Variants in NKAIN1 observed in about 807,000 individuals in gnomAD.
The protein encoded by NKAIN1 is sodium/potassium transporting ATPase interacting 1, also known as sodium/potassium-transporting ATPase subunit beta-1-interacting protein 1.
Under a neutral mutation model 31.6 loss-of-function variants are expected in NKAIN1, and 13 were observed. That is an observed-to-expected ratio of 0.41 (90% CI 0.27 to 0.65). The LOEUF is 0.65. Ranked by LOEUF, NKAIN1 falls within the 30% of genes least tolerant of loss-of-function variation. The probability of loss-of-function intolerance (pLI) is 0.30; values close to 1 mark genes in which losing one functional copy is unlikely to be tolerated. For missense variants in NKAIN1, 193 were observed against 262.2 expected, an observed-to-expected ratio of 0.74 and a Z score of 1.82; for synonymous variants, 104 against 109.0, an observed-to-expected ratio of 0.95 and a Z score of 0.28.
Position 31,181,569 on chromosome 1 carries a change from A to C in NKAIN1, c.*134T>G, listed in dbSNP as rs368991226. ...TCCACGTCCAAGTCCGCATCTCCAGATGCAGACGCGGGGTTGGGCACAGGC... is the reference window on the plus strand; with the variant it reads ...TCCACGTCCAAGTCCGCATCTCCAGCTGCAGACGCGGGGTTGGGCACAGGC... On this transcript the variant is annotated 3_prime_UTR_variant, in exon 7 of 7. Transcript: ENST00000373736. 247 of 770,866 alleles carry C rather than the reference A, an allele frequency of 3.2e-4. 1 individual carries two copies. The highest frequency in any genetic ancestry group is 2.9e-3 in the African/African-American group (160 of 54,754). 47.8% of individuals were successfully genotyped at this position (770,866 alleles called of 1,614,324 possible). A position where few individuals can be genotyped will look rare whatever the true frequency, so the allele number is the denominator to read the frequency against.
chr1:31,199,364 C>T (rs979298049), intron 1 of NKAIN1, among the ~76,000 whole-genome samples: 2 of 152,210 alleles, frequency 1.3e-5, no homozygotes, highest in Non-Finnish European at 2.9e-5. Context: ...GGATGTCTGG[C>T]ACGCAGTTGG....
At chr1:31,234,133 TTCATTCACAAAAGGGAGTTGA>T (rs1490229370) in intron 1 of NKAIN1, among the ~76,000 whole-genome samples, 1 of 152,220 alleles carries the variant, frequency 6.6e-6, no homozygotes, top group Non-Finnish European at 1.5e-5. Flanking sequence ...CTTCAGTCTG[TTCATTCACAAAAGGGAGTTGA>T]TCATCCCTGC....
intron 1 of NKAIN1, among the ~76,000 whole-genome samples, chr1:31,213,935 A>G (rs1319258093): frequency 6.6e-6 from 1 of 151,992 alleles, no homozygotes; most frequent in Non-Finnish European, 1.5e-5. Context: ...TTGAGGCTGC[A>G]GTAAGCTGTG....
Position 31,216,875 on chromosome 1 carries a change from T to C in NKAIN1, c.54+22619A>G, listed in dbSNP as rs370194191. Among the ~76,000 whole-genome samples, 3 of 150,996 alleles carry C rather than the reference T, an allele frequency of 2.0e-5. No homozygotes were observed. In the East Asian group the frequency reaches 5.9e-4, roughly 30 times the overall value. ...CGCCTAGCTAATTTTTGTATTTTTGTGTGTGTGTGAGATGGAGGCTGTCTG... is the reference window on the plus strand; with the variant it reads ...CGCCTAGCTAATTTTTGTATTTTTGCGTGTGTGTGAGATGGAGGCTGTCTG... On this transcript the variant is annotated intron_variant, in intron 1 of 6. Transcript: ENST00000373736.
In NKAIN1 at chr1:31,208,347, C is replaced by CG. The variant is rs939251749; in HGVS notation, c.55-20161_55-20160insC. On this transcript the variant is annotated intron_variant, in intron 1 of 6. Coordinates refer to ENST00000373736, the MANE Select transcript of NKAIN1 (RefSeq NM_024522.3). ...CTGAGTCCAATTCTTTCTTCCACCC[C>CG]CCGCTTATGGAAACTTGTGTTCTGT... 3.3e-5 allele frequency among the ~76,000 whole-genome samples: 5 copies of CG among 152,102 alleles called. No homozygotes were observed. In the South Asian group the frequency reaches 6.2e-4, roughly 19 times the overall value.
chr1:31,213,729 T>TCAC (rs1409191040), intron 1 of NKAIN1, among the ~76,000 whole-genome samples: 2 of 152,180 alleles, frequency 1.3e-5, no homozygotes, highest in African/African-American at 4.8e-5. Flanking sequence ...GTGCAGTGGC[T>TCAC]CACACCTGTA....
Position 31,239,643 on chromosome 1 carries a change from G to T in NKAIN1, c.-96C>A. The T allele has an allele frequency of 1.7e-6, 1 of 604,980 alleles. No individual in the cohort carries two copies. Among genetic ancestry groups the T allele is most frequent in the Non-Finnish European group, 2.1e-6 (1 of 481,902 alleles). The allele number at this position is 604,980 out of a possible 1,614,324, so 37.5% of individuals were successfully genotyped here. A position where few individuals can be genotyped will look rare whatever the true frequency, so the allele number is the denominator to read the frequency against. On this transcript the variant is annotated 5_prime_UTR_variant, in exon 1 of 7. Transcript: ENST00000373736. The surrounding 1 kb of genome is among the most constrained non-coding windows in gnomAD (Gnocchi z 4.8). ...GCGCGGGCTCCACGTCCTCCCCGCT[G>T]GGCGCGCCGGGCGGCGGGGCCGGGC...
intron 1 of NKAIN1, among the ~76,000 whole-genome samples, chr1:31,196,357 C>CA (rs1430947314): frequency 4.6e-5 from 7 of 151,476 alleles, no homozygotes; most frequent in Non-Finnish European, 1.0e-4. Context: ...ACTAAAAATA[C>CA]AAAAAATTAG....
rs1177191508 is a variant in NKAIN1 at position 31,180,184 on chromosome 1, A to G, written c.*1519T>C. 1 of 152,276 alleles carries G rather than the reference A, an allele frequency of 6.6e-6. No individual in the cohort carries two copies. The highest frequency in any genetic ancestry group is 1.5e-5 in the Non-Finnish European group (1 of 68,110). 9.4% of individuals were successfully genotyped at this position (152,276 alleles called of 1,614,324 possible). On this transcript the variant is annotated 3_prime_UTR_variant, in exon 7 of 7. Coordinates refer to ENST00000373736, the MANE Select transcript of NKAIN1 (RefSeq NM_024522.3). ...GTAGTGGGAGAGGAGCGGAATGGTC[A>G]CCACAGACAGGCTCAGGTGTGCAAA...
chr1:31,215,386 G>A (rs1247799063), intron 1 of NKAIN1, among the ~76,000 whole-genome samples: 1 of 152,158 alleles, frequency 6.6e-6, no homozygotes, highest in Admixed American at 6.5e-5. Flanking sequence ...GAGAATCACA[G>A]CAGGCACCAA....
chr1:31,216,750 G>T (rs529537332), intron 1 of NKAIN1, among the ~76,000 whole-genome samples: 1 of 118,028 alleles, frequency 8.5e-6, no homozygotes, highest in African/African-American at 3.0e-5. Context: ...CTGGAGTCCA[G>T]TGGCACCATC....
At chr1:31,225,182 C>T (rs1645594127) in intron 1 of NKAIN1, among the ~76,000 whole-genome samples, 1 of 151,150 alleles carries the variant, frequency 6.6e-6, no homozygotes, top group Admixed American at 6.6e-5. Flanking sequence ...CACCCGCCAC[C>T]ACACCTGGCT....
chr1:31,228,407 T>G (rs1645623654), intron 1 of NKAIN1, among the ~76,000 whole-genome samples: 1 of 151,974 alleles, frequency 6.6e-6, no homozygotes, highest in African/African-American at 2.4e-5. Context: ...CCAGGCCCTG[T>G]GATTTGAGGT....
intron 1 of NKAIN1, among the ~76,000 whole-genome samples, chr1:31,211,600 T>TA (rs1229274329): frequency 1.5e-4 from 13 of 85,320 alleles, no homozygotes; most frequent in African/African-American, 4.4e-4. Flanking sequence ...AAATTCCAAC[T>TA]ACCTTTTTTT....
At chr1:31,238,777 A>C (rs1301465390) in intron 1 of NKAIN1, among the ~76,000 whole-genome samples, 1 of 152,094 alleles carries the variant, frequency 6.6e-6, no homozygotes, top group African/African-American at 2.4e-5. Context: ...GCCAGACCAA[A>C]GCAGGAAGTG....
intron 1 of NKAIN1, among the ~76,000 whole-genome samples, chr1:31,227,128 G>T (rs1172051428): frequency 9.9e-5 from 15 of 152,194 alleles, no homozygotes. Flanking sequence ...CCCAGCCAAA[G>T]GAAATCTTTT....
In NKAIN1 at chr1:31,239,126, A is replaced by G. The variant is rs1050841367; in HGVS notation, c.54+368T>C. Among the ~76,000 whole-genome samples the G allele has an allele frequency of 6.6e-6, 1 of 152,080 alleles. No individual in the cohort carries two copies. Among genetic ancestry groups the G allele is most frequent in the African/African-American group, 2.4e-5 (1 of 41,420 alleles). Reference sequence around the variant, plus strand: ...AAACGAGGGATCTAGAGGGAAACACACAGCAGGACCTCAACGGATCCACAG... The same window carrying G: ...AAACGAGGGATCTAGAGGGAAACACGCAGCAGGACCTCAACGGATCCACAG... On this transcript the variant is annotated intron_variant, in intron 1 of 6. Transcript: ENST00000373736. This position sits in a 1 kb window ranked among gnomAD's most constrained non-coding sequence, Gnocchi z 4.8.
chr1:31,232,686 C>T (rs1329503499), intron 1 of NKAIN1, among the ~76,000 whole-genome samples: 1 of 151,472 alleles, frequency 6.6e-6, no homozygotes, highest in African/African-American at 2.4e-5. Flanking sequence ...GAGTCTCCTA[C>T]CACATAGAAT....
chr1:31,220,591 C>T (rs967244442), intron 1 of NKAIN1, among the ~76,000 whole-genome samples: 8 of 151,806 alleles, frequency 5.3e-5, no homozygotes, highest in Admixed American at 1.3e-4. Context: ...CCTGTCTCTA[C>T]TAAAAATATA....
Sources: gnomAD v4.1 joint callset for allele counts (sites outside exome capture counted in the v4.1 genomes callset) on GRCh38, gnomAD v4.1.1 for gene constraint, Gnocchi (gnomAD v3.1) non-coding constraint, MANE v1.5 for transcripts, NCBI Gene and HGNC (gene_info 2026-07-23, HGNC 2026-07-21) for gene names.